SYT14: variants seen among roughly 807,000 people sequenced by gnomAD.
SYT14 encodes the protein synaptotagmin 14, also known as synaptotagmin-14.
In SYT14, 32 loss-of-function variants were observed where a neutral mutation model predicts 74.2. The ratio of observed to expected loss-of-function variants is 0.43; its 90% confidence interval spans 0.33 to 0.58. The LOEUF (loss-of-function observed/expected upper bound fraction) is 0.58. Among genes scored for constraint, SYT14 ranks in the 20% least tolerant of loss-of-function variants. The pLI is 0.05. For synonymous variants in SYT14, 298 were observed against 337.7 expected (o/e 0.88, Z 1.29); for missense variants, 791 against 981.8 (o/e 0.81, Z 2.60).
rs559672987 is a variant in SYT14 at position 209,945,040 on chromosome 1, G to A, written c.-534+6763G>A. Among the ~76,000 whole-genome samples, 11 of 152,164 alleles carry A rather than the reference G, an allele frequency of 7.2e-5. No individual in the cohort carries two copies. The South Asian group carries it at 2.3e-3, about 32-fold the overall frequency. ...AGCACTGCTTCTCCCTCTCTTGTCT[G>A]CAGCAGACATCTGTTTTATTAAGAC... On this transcript the variant is annotated intron_variant, in intron 1 of 9. Coordinates refer to ENST00000637265, the Ensembl canonical transcript of SYT14.
At chr1:210,089,347 C>T (rs903944534) in intron 5 of SYT14, among the ~76,000 whole-genome samples, 1 of 152,186 alleles carries the variant, frequency 6.6e-6, no homozygotes, top group African/African-American at 2.4e-5. Flanking sequence ...CATACATGTG[C>T]ATGTGTCTTT....
intron 2 of SYT14, among the ~76,000 whole-genome samples, chr1:210,010,408 G>A (rs770503259): frequency 2.6e-5 from 4 of 151,984 alleles, no homozygotes; most frequent in Middle Eastern, 3.2e-3. Context: ...TATGACTGCC[G>A]TGATTATTGC....
At chr1:210,000,761 C>T (rs183652926) in intron 2 of SYT14, among the ~76,000 whole-genome samples, 193 of 151,742 alleles carry the variant, frequency 1.3e-3, no homozygotes, top group African/African-American at 4.5e-3. Context: ...TTAGAGGCGC[C>T]TGCCACCGCG....
chr1:210,126,286 A>G (rs1321649339), intron 7 of SYT14, among the ~76,000 whole-genome samples: 1 of 151,986 alleles, frequency 6.6e-6, no homozygotes, highest in Non-Finnish European at 1.5e-5. Context: ...AATTTTAAGC[A>G]TGATATATAT....
intron 8 of SYT14, 48 bp from the exon 8 acceptor site, chr1:210,159,373 G>A (rs969121449): frequency 3.9e-6 from 6 of 1,528,174 alleles, no homozygotes; most frequent in Admixed American, 2.0e-5. Context: ...CCCAACGATT[G>A]ACATCTGGTC....
chr1:210,091,769 C>T (rs1032896247), intron 5 of SYT14, among the ~76,000 whole-genome samples: 7 of 152,120 alleles, frequency 4.6e-5, no homozygotes, highest in Admixed American at 3.3e-4. Context: ...GTGAAGCTGG[C>T]CCCATCCCCA....
chr1:210,072,016 T>C (rs1236469282), intron 5 of SYT14, among the ~76,000 whole-genome samples: 6 of 151,836 alleles, frequency 4.0e-5, no homozygotes, highest in African/African-American at 7.2e-5. Flanking sequence ...TCACAGATTG[T>C]CATATTGGCT....
At chr1:210,069,808 C>T (rs1027754439) in intron 5 of SYT14, among the ~76,000 whole-genome samples, 6 of 151,312 alleles carry the variant, frequency 4.0e-5, no homozygotes, top group Admixed American at 2.0e-4. Flanking sequence ...TTTTTTCTCT[C>T]TGTTATACCT....
At chr1:210,120,282 G>T (rs1486679965) in intron 7 of SYT14, among the ~76,000 whole-genome samples, 1 of 151,676 alleles carries the variant, frequency 6.6e-6, no homozygotes, top group East Asian at 1.9e-4. Context: ...TAATGTTTCA[G>T]TCAACAACAG....
chr1:209,963,321 G>A (rs569856157), intron 2 of SYT14, among the ~76,000 whole-genome samples: 4 of 152,216 alleles, frequency 2.6e-5, no homozygotes, highest in African/African-American at 9.6e-5. Flanking sequence ...CTTTGGTAAG[G>A]GTCCAGGTAT....
At chr1:210,162,333 G>A (rs1436430879) in exon 10 of SYT14, 20 of 446,384 alleles carry the variant, frequency 4.5e-5, no homozygotes, top group Admixed American at 4.1e-4. Context: ...TCAGAACAGT[G>A]TCGCAAGATC....
intron 2 of SYT14, among the ~76,000 whole-genome samples, chr1:209,996,882 C>T (rs1449650367): frequency 5.3e-5 from 8 of 151,976 alleles, no homozygotes; most frequent in African/African-American, 9.7e-5. Context: ...TCATCTCAAT[C>T]GACACAGAAA....
chr1:210,117,299 A>T (rs1006507800), intron 7 of SYT14, among the ~76,000 whole-genome samples: 1 of 152,132 alleles, frequency 6.6e-6, no homozygotes, highest in Non-Finnish European at 1.5e-5. Flanking sequence ...TATAATTCAG[A>T]TGTGTGTCCC....
chr1:210,023,258 A>G (rs2080339522), intron 5 of SYT14, among the ~76,000 whole-genome samples: 1 of 152,168 alleles, frequency 6.6e-6, no homozygotes, highest in African/African-American at 2.4e-5. Flanking sequence ...TGACTGGAGG[A>G]GGAAAATCAG....
intron 5 of SYT14, among the ~76,000 whole-genome samples, chr1:210,039,807 A>C (rs948923744): frequency 6.6e-6 from 1 of 152,202 alleles, no homozygotes; most frequent in Non-Finnish European, 1.5e-5. Flanking sequence ...TATTAGAGAA[A>C]TGCAAATCAA....
chr1:210,118,232 A>T (rs1479207676), intron 7 of SYT14, among the ~76,000 whole-genome samples: 2 of 150,864 alleles, frequency 1.3e-5, no homozygotes, highest in African/African-American at 4.8e-5. Context: ...AAATTTATTA[A>T]ATTGAGAAAG....
chr1:210,050,865 G>GGAGT (rs2080981055), intron 5 of SYT14, among the ~76,000 whole-genome samples: 1 of 152,156 alleles, frequency 6.6e-6, no homozygotes, highest in Non-Finnish European at 1.5e-5. Flanking sequence ...AGGAATTGTG[G>GGAGT]GAGTTACCAT....
chr1:210,093,991 G>A (rs2102524708), intron 5 of SYT14, among the ~76,000 whole-genome samples: 1 of 151,716 alleles, frequency 6.6e-6, no homozygotes, highest in Admixed American at 6.6e-5. Flanking sequence ...GGTAATAGAT[G>A]AAGTATGTAT....
intron 7 of SYT14, among the ~76,000 whole-genome samples, chr1:210,101,505 T>A (rs752941143): frequency 6.6e-6 from 1 of 152,094 alleles, no homozygotes; most frequent in African/African-American, 2.4e-5. Flanking sequence ...TTCAGTGTCT[T>A]TAAGTACAAA....
Sources: allele counts gnomAD v4.1 joint callset (sites outside exome capture counted in the v4.1 genomes callset), GRCh38; gene constraint gnomAD v4.1.1; transcripts MANE v1.5; gene names NCBI Gene and HGNC (gene_info 2026-07-23, HGNC 2026-07-21).